The following AKAP6 variants were observed in gnomAD, a reference collection of about 807,000 sequenced individuals.
AKAP6 encodes the protein A-kinase anchor protein 6.
In AKAP6, 58 loss-of-function variants were observed where a neutral mutation model predicts 188.5. The ratio of observed to expected loss-of-function variants is 0.31; its 90% CI spans 0.25 to 0.38. AKAP6 has a LOEUF of 0.38. Among genes scored for constraint, AKAP6 ranks in the 10% least tolerant of loss-of-function variants. AKAP6 has a pLI of 1.00. For synonymous variants in AKAP6, 989 were observed against 998.6 expected, an observed-to-expected ratio of 0.99 and a Z score of 0.18; for missense variants, 2,710 against 2,740.0, an observed-to-expected ratio of 0.99 and a Z score of 0.24.
chr14:32,401,681 G>A (rs530878670), intron 1 of AKAP6, among the ~76,000 whole-genome samples: 26 of 152,062 alleles, frequency 1.7e-4, no homozygotes, highest in South Asian at 4.2e-4. Flanking sequence ...CTGTTTTCTG[G>A]CAACCCTAGC....
At chr14:32,673,872 T>C (rs544286743) in intron 7 of AKAP6, among the ~76,000 whole-genome samples, 5 of 152,266 alleles carry the variant, frequency 3.3e-5, no homozygotes, top group African/African-American at 1.2e-4. Context: ...GAAACAATCC[T>C]TTATGGAGTT....
intron 12 of AKAP6, among the ~76,000 whole-genome samples, chr14:32,781,428 A>G (rs2033248168): frequency 6.6e-6 from 1 of 152,122 alleles, no homozygotes; most frequent in Non-Finnish European, 1.5e-5. Context: ...CATTAGTTTA[A>G]AACCTCCCCA....
In AKAP6 at chr14:32,835,208, T is replaced by C. The variant is rs2034862878; in HGVS notation, c.*5403T>C. The stretch of plus-strand genomic sequence containing the variant: ...ATATTCTAAATTCCGACACATTTTC[T>C]TAGGATAGATTTCCATTTGCAAATT... On this transcript the variant is annotated 3_prime_UTR_variant, in exon 14 of 14. Coordinates refer to ENST00000280979, the MANE Select transcript of AKAP6 (RefSeq NM_004274.5). The C allele has an allele frequency of 6.6e-6, 1 of 152,220 alleles. No individual in the cohort carries two copies. The highest frequency in any genetic ancestry group is 2.4e-5 in the African/African-American group (1 of 41,458). 9.4% of individuals were successfully genotyped at this position (152,220 alleles called of 1,614,324 possible). A position where few individuals can be genotyped will look rare whatever the true frequency, so the allele number is the denominator to read the frequency against.
At chr14:32,540,164 C>CTATATATA (rs1212391189) in intron 3 of AKAP6, among the ~76,000 whole-genome samples, 14 of 97,466 alleles carry the variant, frequency 1.4e-4, no homozygotes, top group East Asian at 2.7e-4. Context: ...CTCTCTCTCT[C>CTATATATA]TCTCTATATA....
rs115801298 is a variant in AKAP6 at position 32,577,010 on chromosome 14, C to G, written c.2347-110C>G. ...AACTAGGATAGGAGTGCGGTGGGAT[C>G]GATTTGATCATGGATAAAATTTGGA... On this transcript the variant is annotated intron_variant, in intron 4 of 13. Coordinates refer to ENST00000280979, the MANE Select transcript of AKAP6 (RefSeq NM_004274.5). 1,274 of 1,252,656 alleles carry G rather than the reference C, an allele frequency of 1.0e-3. 11 individuals are homozygous for G. The African/African-American group carries it at 0.018, about 17-fold the overall frequency. The allele number at this position is 1,252,656 out of a possible 1,614,324, so 77.6% of individuals were successfully genotyped here.
At chr14:32,551,820 C>G (rs1461788605) in intron 4 of AKAP6, among the ~76,000 whole-genome samples, 2 of 142,902 alleles carry the variant, frequency 1.4e-5, no homozygotes, top group East Asian at 4.0e-4. Flanking sequence ...CCACCACACC[C>G]GGCTAATTTT....
intron 2 of AKAP6, among the ~76,000 whole-genome samples, chr14:32,526,228 A>G (rs1322770084): frequency 6.6e-6 from 1 of 151,510 alleles, no homozygotes; most frequent in African/African-American, 2.4e-5. Context: ...CCAGGTCTGG[A>G]TAATTTTTTT....
rs567254530 is a variant in AKAP6, at chr14:32,416,482, CT to C, written c.-34-16973del. On this transcript the variant is annotated intron_variant, in intron 1 of 13. Coordinates refer to ENST00000280979, the MANE Select transcript of AKAP6 (RefSeq NM_004274.5). The stretch of plus-strand genomic sequence containing the variant: ...TATTCTTTCCCATTCTACAGGCTGT[CT>C]TTTTATTTTGTTGATATGGTCTTTT... 1.5e-4 allele frequency among the ~76,000 whole-genome samples: 23 copies of C among 152,226 alleles called. No individual in the cohort carries two copies. The South Asian group carries it at 4.6e-3, about 30-fold the overall frequency.
At chr14:32,466,979 T>C in intron 2 of AKAP6, among the ~76,000 whole-genome samples, 1 of 150,864 alleles carries the variant, frequency 6.6e-6, no homozygotes, top group Non-Finnish European at 1.5e-5. Flanking sequence ...ATAATAATGG[T>C]ATTGTGGTTG....
chr14:32,471,874 A>G (rs1022184451), intron 2 of AKAP6, among the ~76,000 whole-genome samples: 1 of 152,228 alleles, frequency 6.6e-6, no homozygotes, highest in Non-Finnish European at 1.5e-5. Flanking sequence ...CGTGTTAAGC[A>G]TTCTGGGTCA....
rs2034834937 is a variant in AKAP6, at chr14:32,832,770, G to A, written c.*2965G>A. 1.3e-5 allele frequency: 2 copies of A among 152,608 alleles called. No homozygotes were observed. The highest frequency in any genetic ancestry group is 4.8e-5 in the African/African-American group (2 of 41,432). The allele number at this position is 152,608 out of a possible 1,614,324, so 9.5% of individuals were successfully genotyped here. A position where few individuals can be genotyped will look rare whatever the true frequency, so the allele number is the denominator to read the frequency against. ...CTGTTCTGTCTTATGGAGCAGCCCA[G>A]ATTATCTTTACTCCCTCTTTCTCAT... is the stretch of plus-strand genomic sequence containing the variant. On this transcript the variant is annotated 3_prime_UTR_variant, in exon 14 of 14. Coordinates refer to ENST00000280979, the MANE Select transcript of AKAP6 (RefSeq NM_004274.5).
chr14:32,441,541 T>C (rs901004414), intron 2 of AKAP6, among the ~76,000 whole-genome samples: 1 of 152,216 alleles, frequency 6.6e-6, no homozygotes, highest in African/African-American at 2.4e-5. Context: ...TGATGTATTT[T>C]CATCATGATT....
chr14:32,507,450 A>G (rs1407604626), intron 2 of AKAP6, among the ~76,000 whole-genome samples: 1 of 152,246 alleles, frequency 6.6e-6, no homozygotes, highest in Non-Finnish European at 1.5e-5. Flanking sequence ...GGGTGTTGGA[A>G]ACATCAAAAT....
At chr14:32,357,087 A>C (rs1397195936) in intron 1 of AKAP6, among the ~76,000 whole-genome samples, 1 of 152,222 alleles carries the variant, frequency 6.6e-6, no homozygotes, top group Non-Finnish European at 1.5e-5. Context: ...AGTTTTTAGC[A>C]TAATAGGAAC....
intron 2 of AKAP6, among the ~76,000 whole-genome samples, chr14:32,514,363 T>C (rs891995891): frequency 6.6e-6 from 1 of 152,212 alleles, no homozygotes; most frequent in African/African-American, 2.4e-5. Flanking sequence ...GCTGTGGATA[T>C]TTATTTATGT....
At chr14:32,634,557 A>G (rs1311700380) in intron 7 of AKAP6, among the ~76,000 whole-genome samples, 1 of 152,064 alleles carries the variant, frequency 6.6e-6, no homozygotes, top group Non-Finnish European at 1.5e-5. Flanking sequence ...CCTACTCTGT[A>G]TCCTATAGGC....
At position 32,568,236 on chromosome 14, in the gene AKAP6, G is replaced by A. The variant is rs1226627351; in HGVS notation, c.2347-8884G>A. The stretch of plus-strand genomic sequence containing the variant: ...TATGGACTTTGTGGGAACAAATCTG[G>A]TTAGAGAGAGAATATAGCACAGTAG... On this transcript the variant is annotated intron_variant, in intron 4 of 13. Transcript: ENST00000280979. This position sits in a 1 kb window ranked among gnomAD's most constrained non-coding sequence, Gnocchi z 6.2. Among the ~76,000 whole-genome samples the A allele has an allele frequency of 6.6e-6, 1 of 152,100 alleles. No homozygotes were observed. The highest frequency in any genetic ancestry group is 2.4e-5 in the African/African-American group (1 of 41,418).
At chr14:32,581,363 T>C (rs1884959925) in intron 5 of AKAP6, among the ~76,000 whole-genome samples, 1 of 152,198 alleles carries the variant, frequency 6.6e-6, no homozygotes, top group South Asian at 2.1e-4. Flanking sequence ...GAGAGACAGT[T>C]TGTTATAATT....
chr14:32,663,932 T>A (rs554853167), intron 7 of AKAP6, among the ~76,000 whole-genome samples: 17 of 152,232 alleles, frequency 1.1e-4, no homozygotes, highest in African/African-American at 3.6e-4. Flanking sequence ...TTTGTTGAAA[T>A]GTGTCTGCTT....
Sources: gnomAD v4.1 joint callset for allele counts (sites outside exome capture counted in the v4.1 genomes callset) on GRCh38, gnomAD v4.1.1 for gene constraint, Gnocchi (gnomAD v3.1) non-coding constraint, MANE v1.5 for transcripts, NCBI Gene and HGNC (gene_info 2026-07-23, HGNC 2026-07-21) for gene names.